Variants in ALPL observed in about 807,000 individuals in gnomAD.
ALPL encodes the protein alkaline phosphatase, tissue-nonspecific isozyme.
Under a neutral mutation model 51.3 loss-of-function variants are expected in ALPL, and 42 were observed. That is an observed-to-expected ratio of 0.82 (90% CI 0.64 to 1.06). ALPL has a LOEUF of 1.06. Ranked by LOEUF, ALPL falls within the 50% of genes least tolerant of loss-of-function variation. The pLI is 0.00. For synonymous variants in ALPL, 279 were observed against 296.4 expected (o/e 0.94, Z 0.60); for missense variants, 589 against 709.4 (o/e 0.83, Z 1.93).
intron 10 of ALPL, 121 bp from the exon 11 acceptor site, chr1:21,576,401 T>C: frequency 1.4e-6 from 2 of 1,379,932 alleles, no homozygotes; most frequent in East Asian, 2.3e-5. Flanking sequence ...CTTGGAGGCA[T>C]TGCAGGGCCC....
At chr1:21,553,078 A>AAAAAG (rs397817376) in intron 1 of ALPL, among the ~76,000 whole-genome samples, 3 of 151,630 alleles carry the variant, frequency 2.0e-5, no homozygotes, top group Non-Finnish European at 4.4e-5. Context: ...AAAAAAATAA[A>AAAAAG]GAGGAAATAA....
chr1:21,522,686 A>C (rs1461127843), intron 1 of ALPL, among the ~76,000 whole-genome samples: 1 of 152,180 alleles, frequency 6.6e-6, no homozygotes, highest in Non-Finnish European at 1.5e-5. Flanking sequence ...AAAATGCCTC[A>C]TCCAGTGTCG....
In ALPL at chr1:21,576,567, C is replaced by T; in HGVS notation, c.1235C>T (p.Ala412Val). The T allele has an allele frequency of 6.2e-7, 1 of 1,613,992 alleles. No individual in the cohort carries two copies. The highest frequency in any genetic ancestry group is 8.5e-7 in the Non-Finnish European group (1 of 1,179,932). Residue 412 changes from alanine to valine, a missense_variant, in exon 11 of 12, where the codon GCC becomes GTC. Ala to Val is a moderately conservative substitution (Grantham distance 64, BLOSUM62 0). Coordinates refer to ENST00000374840, the MANE Select transcript of ALPL (RefSeq NM_000478.6). ...LSDTDKKPFT[A>V]ILYGNGPGYK... is the part of the protein sequence containing the mutation. ...GACACAGACAAGAAGCCCTTCACTGCCATCCTGTATGGCAATGGGCCTGGC... is the reference window on the plus strand; with the variant it reads ...GACACAGACAAGAAGCCCTTCACTGTCATCCTGTATGGCAATGGGCCTGGC...
At chr1:21,544,436 G>C (rs1644227637) in intron 1 of ALPL, among the ~76,000 whole-genome samples, 1 of 152,234 alleles carries the variant, frequency 6.6e-6, no homozygotes, top group Non-Finnish European at 1.5e-5. Context: ...TGACCAAAAA[G>C]GGGGAATTTT....
At chr1:21,529,367 A>C (rs1448060315) in intron 1 of ALPL, among the ~76,000 whole-genome samples, 1 of 151,242 alleles carries the variant, frequency 6.6e-6, no homozygotes, top group Admixed American at 6.6e-5. Flanking sequence ...CAACGCTCCC[A>C]CCCCAGCCTC....
intron 2 of ALPL, among the ~76,000 whole-genome samples, chr1:21,558,966 G>A (rs1644448905): frequency 1.3e-5 from 2 of 152,218 alleles, no homozygotes; most frequent in South Asian, 4.1e-4. Context: ...TGCCAAGGCA[G>A]TTGAGAGGAA....
intron 8 of ALPL, among the ~76,000 whole-genome samples, chr1:21,572,583 G>A (rs1443919116): frequency 6.6e-6 from 1 of 152,184 alleles, no homozygotes. Flanking sequence ...CACCATCTTG[G>A]AGGCTGGCTT....
intron 1 of ALPL, among the ~76,000 whole-genome samples, chr1:21,532,931 G>A (rs1048996788): frequency 6.6e-6 from 1 of 152,184 alleles, no homozygotes; most frequent in African/African-American, 2.4e-5. Context: ...CTACCTCTCT[G>A]GACCTCAGGC....
chr1:21,556,101 A>G (rs1644410393), intron 2 of ALPL, among the ~76,000 whole-genome samples: 1 of 152,072 alleles, frequency 6.6e-6, no homozygotes, highest in Non-Finnish European at 1.5e-5. Flanking sequence ...TTGGAGATTC[A>G]CGCGGAAGTG....
rs60858822 is a variant in ALPL at position 21,554,815 on chromosome 1, G to GTCTTTCTT, written c.61+725_61+732dup. Among the ~76,000 whole-genome samples, 151 of 83,708 alleles carry GTCTTTCTT rather than the reference G, an allele frequency of 1.8e-3. 2 individuals carry two copies. Among genetic ancestry groups the GTCTTTCTT allele is most frequent in the African/African-American group, 3.6e-3 (88 of 24,784 alleles). The allele number at this position is 83,708 out of a possible 152,430, so 54.9% of individuals were successfully genotyped here. On this transcript the variant is annotated intron_variant, in intron 2 of 11. Transcript: ENST00000374840. The stretch of plus-strand genomic sequence containing the variant: ...TGTCTGTCTGTCTGTCTGTCTGTCT[G>GTCTTTCTT]TCTTTCTTTCTTTCTTTCTTTCTTT...
rs1644765703 is a variant in ALPL at position 21,577,932 on chromosome 1, C to A, written c.*284C>A. 1 of 559,478 alleles carries A rather than the reference C, an allele frequency of 1.8e-6. No homozygotes were observed. The highest frequency in any genetic ancestry group is 3.2e-6 in the Non-Finnish European group (1 of 316,068). 34.7% of individuals were successfully genotyped at this position (559,478 alleles called of 1,614,324 possible). A position where few individuals can be genotyped will look rare whatever the true frequency, so the allele number is the denominator to read the frequency against. The stretch of plus-strand genomic sequence containing the variant: ...AGAGAGTACAGACTGCAGACATTCT[C>A]AAAGCCTCTTATTTTTCTAGCGAAC... On this transcript the variant is annotated 3_prime_UTR_variant, in exon 12 of 12. Transcript: ENST00000374840.
chr1:21,510,627 G>A (rs1248553222), intron 1 of ALPL, among the ~76,000 whole-genome samples: 1 of 152,232 alleles, frequency 6.6e-6, no homozygotes, highest in African/African-American at 2.4e-5. Context: ...TGGGACCAGG[G>A]TTTGAATCCA....
At chr1:21,558,270 G>A (rs1644438846) in intron 2 of ALPL, among the ~76,000 whole-genome samples, 7 of 152,218 alleles carry the variant, frequency 4.6e-5, no homozygotes, top group Admixed American at 4.6e-4. Flanking sequence ...CAGGTGTGGG[G>A]CGGGCTGATG....
intron 1 of ALPL, among the ~76,000 whole-genome samples, chr1:21,549,475 C>T (rs916743465): frequency 6.9e-6 from 1 of 145,528 alleles, no homozygotes; most frequent in African/African-American, 2.5e-5. Context: ...TTTTCTTTTT[C>T]TTTTTTTTTT....
chr1:21,568,054 T>C (rs754895504), intron 6 of ALPL, 50 bp from the exon 7 acceptor site: 2 of 1,613,232 alleles, frequency 1.2e-6, no homozygotes, highest in African/African-American at 2.7e-5. Context: ...TCACTGGGGC[T>C]TCTGGGCATC....
intron 2 of ALPL, among the ~76,000 whole-genome samples, chr1:21,554,871 TTC>T (rs141318614): frequency 0.085 from 11,003 of 128,770 alleles, 969 homozygotes; most frequent in East Asian, 0.41. Context: ...CTTTCTTTCT[TTC>T]TCTCTTTCTT....
chr1:21,561,812 A>G (rs1644489914), intron 4 of ALPL, among the ~76,000 whole-genome samples: 1 of 151,806 alleles, frequency 6.6e-6, no homozygotes, highest in Non-Finnish European at 1.5e-5. Context: ...GATTACAGGC[A>G]TGCGCCACCA....
intron 10 of ALPL, 85 bp downstream of exon 10, chr1:21,576,009 G>A: frequency 6.6e-7 from 1 of 1,512,016 alleles, no homozygotes; most frequent in East Asian, 2.3e-5. Context: ...GAGCCAGCAA[G>A]CCCAGAGCAT....
intron 4 of ALPL, 121 bp from the exon 5 acceptor site, chr1:21,562,989 C>A: frequency 7.3e-7 from 1 of 1,369,528 alleles, no homozygotes; most frequent in Non-Finnish European, 1.0e-6. Flanking sequence ...TGGGCCTGGT[C>A]AAGGCTATGG....
Sources: gnomAD v4.1 joint callset for allele counts (sites outside exome capture counted in the v4.1 genomes callset) on GRCh38, gnomAD v4.1.1 for gene constraint, MANE v1.5 for transcripts, NCBI Gene and HGNC (gene_info 2026-07-23, HGNC 2026-07-21) for gene names.